The following DCLK1 variants were observed in gnomAD, a reference collection of about 807,000 sequenced individuals.
DCLK1 encodes the protein doublecortin like kinase 1, also known as serine/threonine-protein kinase DCLK1.
Under a neutral mutation model 86.2 loss-of-function variants are expected in DCLK1, and 16 were observed. That is an observed-to-expected ratio of 0.19 (90% CI 0.13 to 0.28). The LOEUF is 0.28. Ranked by LOEUF, DCLK1 falls within the 10% of genes least tolerant of loss-of-function variation. DCLK1 has a pLI of 1.00. For synonymous variants in DCLK1, 369 were observed against 370.5 expected, an observed-to-expected ratio of 1.00 and a Z score of 0.05; for missense variants, 590 against 940.2, an observed-to-expected ratio of 0.63 and a Z score of 4.87.
intron 4 of DCLK1, among the ~76,000 whole-genome samples, chr13:35,891,463 T>C (rs1232871197): frequency 6.6e-6 from 1 of 152,174 alleles, no homozygotes; most frequent in Non-Finnish European, 1.5e-5. Flanking sequence ...CTTTTTCTCT[T>C]TGGATAAAAA....
chr13:36,051,622 G>A (rs181972756), intron 3 of DCLK1, among the ~76,000 whole-genome samples: 1 of 152,062 alleles, frequency 6.6e-6, no homozygotes, highest in Non-Finnish European at 1.5e-5. Flanking sequence ...TTTTCATTCT[G>A]TTCATTCAGT....
Position 36,115,746 on chromosome 13 carries a change from T to TA in DCLK1, c.377-3532dup, listed in dbSNP as rs201006018. ...GAGATAAAGAAAATGACAGTTTTTT[T>TA]AAAAGTAAGGAAATAAGCATGAAAT... On this transcript the variant is annotated intron_variant, in intron 2 of 16. Coordinates refer to ENST00000360631, the MANE Select transcript of DCLK1 (RefSeq NM_001330071.2). 3.3e-5 allele frequency among the ~76,000 whole-genome samples: 5 copies of TA among 151,734 alleles called. No individual in the cohort carries two copies. In the East Asian group the frequency reaches 7.8e-4, roughly 24 times the overall value.
At chr13:35,876,884 A>G (rs1593689728) in intron 4 of DCLK1, among the ~76,000 whole-genome samples, 1 of 152,314 alleles carries the variant, frequency 6.6e-6, no homozygotes, top group East Asian at 1.9e-4. Flanking sequence ...CTCCTTAAGA[A>G]AGATGACACC....
At chr13:35,817,452 A>C (rs2087295213) in intron 11 of DCLK1, among the ~76,000 whole-genome samples, 1 of 152,234 alleles carries the variant, frequency 6.6e-6, no homozygotes, top group Admixed American at 6.5e-5. Context: ...AGCTACCAGT[A>C]ATAAAGGACA....
At chr13:35,831,593 G>T (rs533444060) in intron 8 of DCLK1, among the ~76,000 whole-genome samples, 12 of 152,208 alleles carry the variant, frequency 7.9e-5, no homozygotes, top group African/African-American at 2.9e-4. Flanking sequence ...TCTTTAAGGT[G>T]TCTATGTTTG....
chr13:36,082,661 C>G (rs749691975), intron 3 of DCLK1, among the ~76,000 whole-genome samples: 1 of 152,174 alleles, frequency 6.6e-6, no homozygotes, highest in African/African-American at 2.4e-5. Context: ...TGAAAAGATA[C>G]AGTCCTCACT....
At chr13:35,871,766 G>A (rs934858820) in intron 4 of DCLK1, among the ~76,000 whole-genome samples, 2 of 152,130 alleles carry the variant, frequency 1.3e-5, no homozygotes, top group African/African-American at 2.4e-5. Context: ...GGAAGATTCC[G>A]CCCACCACAA....
At chr13:36,104,775 A>G (rs1885333234) in intron 3 of DCLK1, among the ~76,000 whole-genome samples, 1 of 152,162 alleles carries the variant, frequency 6.6e-6, no homozygotes, top group African/African-American at 2.4e-5. Flanking sequence ...AAATATCTGC[A>G]TCGCATTCAC....
chr13:36,102,585 A>C (rs1721171161), intron 3 of DCLK1, among the ~76,000 whole-genome samples: 1 of 152,208 alleles, frequency 6.6e-6, no homozygotes, highest in Non-Finnish European at 1.5e-5. Flanking sequence ...TTTTTCCCTC[A>C]GGGAGGAACT....
rs1032673133 is a variant in DCLK1 at position 35,842,331 on chromosome 13, G to A, written c.1036-3155C>T. ...TTATTGGTCCTATCTCTGATTTCTA[G>A]AGTTGCCCAGTACAGGTCTAATCCA... On this transcript the variant is annotated intron_variant, in intron 6 of 16. Transcript: ENST00000360631. Among the ~76,000 whole-genome samples the A allele has an allele frequency of 8.2e-5, 12 of 147,012 alleles. No homozygotes were observed. In the East Asian group the frequency reaches 2.4e-3, roughly 30 times the overall value.
intron 3 of DCLK1, among the ~76,000 whole-genome samples, chr13:36,090,130 G>C (rs1566676874): frequency 1.3e-5 from 2 of 152,264 alleles, no homozygotes; most frequent in Middle Eastern, 3.4e-3. Context: ...ACAGTTGTAG[G>C]CTTATCGATG....
intron 3 of DCLK1, among the ~76,000 whole-genome samples, chr13:36,090,210 T>C (rs1884769510): frequency 1.3e-5 from 2 of 152,208 alleles, no homozygotes; most frequent in South Asian, 4.1e-4. Flanking sequence ...ATAGTTTTCT[T>C]TGGGTCTGGA....
intron 15 of DCLK1, among the ~76,000 whole-genome samples, chr13:35,801,130 C>A (rs752732514): frequency 5.3e-5 from 8 of 152,206 alleles, no homozygotes; most frequent in Non-Finnish European, 8.8e-5. Context: ...TGACAACGTC[C>A]TTACGGTTCA....
chr13:35,909,950 C>T (rs1032044666), intron 4 of DCLK1, among the ~76,000 whole-genome samples: 3 of 152,164 alleles, frequency 2.0e-5, no homozygotes, highest in African/African-American at 7.2e-5. Context: ...CCAGCACCTC[C>T]GTCCTCTGTT....
At chr13:35,847,856 A>C in intron 6 of DCLK1, 8 of 985,328 alleles carry the variant, frequency 8.1e-6, no homozygotes, top group Non-Finnish European at 9.6e-6. Context: ...ACTTCTTAAA[A>C]TTCTATGGCA....
intron 15 of DCLK1, among the ~76,000 whole-genome samples, chr13:35,797,482 C>G (rs780589264): frequency 6.6e-6 from 1 of 152,130 alleles, no homozygotes; most frequent in Non-Finnish European, 1.5e-5. Flanking sequence ...GTGAAGGCCT[C>G]CAGCTTTAAA....
chr13:36,061,310 G>C (rs564904468), intron 3 of DCLK1, among the ~76,000 whole-genome samples: 1 of 152,146 alleles, frequency 6.6e-6, no homozygotes, highest in East Asian at 1.9e-4. Context: ...CAGCACATTC[G>C]AGAAGAAAAA....
intron 4 of DCLK1, among the ~76,000 whole-genome samples, chr13:35,945,654 A>AT (rs1455280347): frequency 6.6e-6 from 1 of 152,090 alleles, no homozygotes; most frequent in Non-Finnish European, 1.5e-5. Flanking sequence ...AGGGCAGTTT[A>AT]TTTTTCTCAA....
intron 3 of DCLK1, among the ~76,000 whole-genome samples, chr13:36,043,319 G>C (rs1483157209): frequency 6.6e-6 from 1 of 150,916 alleles, no homozygotes; most frequent in African/African-American, 2.4e-5. Flanking sequence ...AAAGCTCCTA[G>C]AAATTTAAAA....
Sources: gnomAD v4.1 joint callset for allele counts (sites outside exome capture counted in the v4.1 genomes callset) on GRCh38, gnomAD v4.1.1 for gene constraint, MANE v1.5 for transcripts, NCBI Gene and HGNC (gene_info 2026-07-23, HGNC 2026-07-21) for gene names.